The following MARCHF1 variants were observed in gnomAD, a reference collection of about 807,000 sequenced individuals.
MARCHF1 encodes the protein E3 ubiquitin-protein ligase MARCHF1.
A neutral mutation model predicts 54.2 loss-of-function variants in MARCHF1; 40 were observed. That is an observed-to-expected ratio of 0.74 (90% CI 0.57 to 0.96). The LOEUF is 0.96. Ranked by LOEUF, MARCHF1 falls within the 40% of genes least tolerant of loss-of-function variation. The pLI, the probability that MARCHF1 is intolerant of heterozygous loss-of-function variation, is 0.00. For synonymous variants in MARCHF1, 236 were observed against 236.3 expected, an observed-to-expected ratio of 1.00 and a Z score of 0.01; for missense variants, 586 against 656.5, an observed-to-expected ratio of 0.89 and a Z score of 1.17.
At chr4:163,763,842 A>C (rs1348778901) in intron 4 of MARCHF1, among the ~76,000 whole-genome samples, 1 of 152,074 alleles carries the variant, frequency 6.6e-6, no homozygotes, top group Non-Finnish European at 1.5e-5. Context: ...TATTAAGTAA[A>C]TAGGTAAATT....
chr4:163,528,784 A>AGAT lies in MARCHF1; in HGVS notation c.1599_1601dup (p.Ser534dup). The AGAT allele has an allele frequency of 6.2e-7, 1 of 1,613,052 alleles. No individual in the cohort carries two copies. Among genetic ancestry groups the AGAT allele is most frequent in the Non-Finnish European group, 8.5e-7 (1 of 1,179,332 alleles). ...CAACTTCAGGGGGGCCACCCTCTGCAGATGGCAGTGAATTTGCACCTGTTT... is the reference window on the plus strand; with the variant it reads ...CAACTTCAGGGGGGCCACCCTCTGCAGATGATGGCAGTGAATTTGCACCTGTTT... On this transcript the variant is annotated inframe_insertion, in exon 10 of 10. Transcript: ENST00000514618.
At chr4:163,822,005 A>T (rs1748705665) in intron 4 of MARCHF1, among the ~76,000 whole-genome samples, 1 of 151,948 alleles carries the variant, frequency 6.6e-6, no homozygotes, top group Non-Finnish European at 1.5e-5. Flanking sequence ...CAGTGTAATA[A>T]GACAAAATTA....
At chr4:163,673,858 C>T (rs1397570663) in intron 5 of MARCHF1, among the ~76,000 whole-genome samples, 2 of 152,048 alleles carry the variant, frequency 1.3e-5, no homozygotes, top group African/African-American at 4.8e-5. Flanking sequence ...ACTGCCAGTC[C>T]TTTTATGATG....
intron 1 of MARCHF1, among the ~76,000 whole-genome samples, chr4:164,186,195 T>C (rs1048671385): frequency 6.6e-6 from 1 of 152,128 alleles, no homozygotes; most frequent in Non-Finnish European, 1.5e-5. Context: ...GCCCAGCCAA[T>C]TTCTGGTTTT....
chr4:163,690,863 T>C (rs1285638659), intron 5 of MARCHF1, among the ~76,000 whole-genome samples: 1 of 152,202 alleles, frequency 6.6e-6, no homozygotes, highest in Admixed American at 6.6e-5. Flanking sequence ...CTTATTGGAC[T>C]CTTATTTTGT....
intron 1 of MARCHF1, among the ~76,000 whole-genome samples, chr4:164,260,380 T>C (rs375815676): frequency 2.6e-5 from 4 of 152,258 alleles, no homozygotes; most frequent in Admixed American, 6.5e-5. Context: ...GTCAATGACA[T>C]GTCCTTTAAG....
chr4:163,642,024 A>G (rs1236103716), intron 5 of MARCHF1, among the ~76,000 whole-genome samples: 1 of 152,180 alleles, frequency 6.6e-6, no homozygotes, highest in African/African-American at 2.4e-5. Flanking sequence ...TACAGTGCTA[A>G]TGCTGCCTCA....
rs532237882 is a variant in MARCHF1, at chr4:163,711,124, G to A, written c.112-10261C>T. Among the ~76,000 whole-genome samples, 42 of 151,712 alleles carry A rather than the reference G, an allele frequency of 2.8e-4. 1 individual carries two copies. In the South Asian group the frequency reaches 5.0e-3, roughly 18 times the overall value. ...ACGTGTAATTTTTTGTAAATTACAC[G>A]TCATTTACAAAATCCTTCTCTCACA... On this transcript the variant is annotated intron_variant, in intron 4 of 9. Transcript: ENST00000514618.
chr4:164,034,718 C>T (rs529593227), intron 2 of MARCHF1, among the ~76,000 whole-genome samples: 1 of 152,000 alleles, frequency 6.6e-6, no homozygotes, highest in East Asian at 1.9e-4. Context: ...TCATGTAATA[C>T]AAAAAACCTT....
At chr4:164,320,798 G>T (rs997708035) in intron 1 of MARCHF1, among the ~76,000 whole-genome samples, 2 of 152,042 alleles carry the variant, frequency 1.3e-5, no homozygotes, top group Admixed American at 1.3e-4. Flanking sequence ...AAATGTGTGT[G>T]GGGGGAGTGG....
chr4:164,301,880 A>C (rs1346033708), intron 1 of MARCHF1, among the ~76,000 whole-genome samples: 1 of 152,200 alleles, frequency 6.6e-6, no homozygotes, highest in Non-Finnish European at 1.5e-5. Flanking sequence ...AGAAAAGTTA[A>C]TTGCCAGAGG....
intron 2 of MARCHF1, among the ~76,000 whole-genome samples, chr4:164,036,786 C>T (rs986434930): frequency 2.2e-4 from 34 of 151,118 alleles, no homozygotes; most frequent in African/African-American, 7.8e-4. Context: ...TTTAAAAGGC[C>T]GTTGGTGAGA....
chr4:164,095,374 G>A (rs751391548), intron 2 of MARCHF1, among the ~76,000 whole-genome samples: 4 of 151,458 alleles, frequency 2.6e-5, no homozygotes, highest in Admixed American at 6.6e-5. Context: ...ACAAATGCCC[G>A]AGAAGTGGTA....
At chr4:163,559,709 CTTTAA>C (rs1459859768) in intron 8 of MARCHF1, among the ~76,000 whole-genome samples, 3 of 152,188 alleles carry the variant, frequency 2.0e-5, no homozygotes, top group African/African-American at 4.8e-5. Flanking sequence ...CCCAAGAGGA[CTTTAA>C]TTTATCTCCA....
intron 2 of MARCHF1, among the ~76,000 whole-genome samples, chr4:163,994,754 C>T (rs1422956054): frequency 2.5e-5 from 3 of 122,136 alleles, no homozygotes; most frequent in African/African-American, 6.3e-5. Flanking sequence ...CACACACACA[C>T]ACACACACAC....
At chr4:163,603,535 A>G (rs555617196) in intron 7 of MARCHF1, among the ~76,000 whole-genome samples, 54 of 152,244 alleles carry the variant, frequency 3.5e-4, no homozygotes, top group African/African-American at 1.3e-3. Context: ...CAGGATGTCC[A>G]GCCTAGTTAA....
chr4:163,678,252 G>C (rs143967390), intron 5 of MARCHF1, among the ~76,000 whole-genome samples: 3 of 152,170 alleles, frequency 2.0e-5, no homozygotes, highest in African/African-American at 7.2e-5. Flanking sequence ...GGCCTGCCAG[G>C]TTAAAGCAAT....
At chr4:163,981,053 C>T (rs530484338) in intron 3 of MARCHF1, among the ~76,000 whole-genome samples, 8 of 152,084 alleles carry the variant, frequency 5.3e-5, no homozygotes, top group Non-Finnish European at 1.2e-4. Context: ...ATAGCTGGTG[C>T]CTCACTTAAA....
intron 5 of MARCHF1, among the ~76,000 whole-genome samples, chr4:163,677,370 A>G (rs1223439890): frequency 2.0e-5 from 3 of 152,000 alleles, no homozygotes; most frequent in African/African-American, 7.3e-5. Context: ...CTCTCCCTTT[A>G]TATATCAAGT....
Sources: gnomAD v4.1 joint callset for allele counts (sites outside exome capture counted in the v4.1 genomes callset) on GRCh38, gnomAD v4.1.1 for gene constraint, MANE v1.5 for transcripts, NCBI Gene and HGNC (gene_info 2026-07-23, HGNC 2026-07-21) for gene names.